Variants in DAB2IP observed in about 807,000 individuals in gnomAD.
DAB2IP encodes the protein disabled homolog 2-interacting protein.
DAB2IP carries 28 observed loss-of-function variants against 107.2 expected under a neutral mutation model. The ratio of observed to expected loss-of-function variants is 0.26; its 90% confidence interval spans 0.19 to 0.36. The LOEUF is 0.36. Ranked by LOEUF, DAB2IP falls within the 10% of genes least tolerant of loss-of-function variation. DAB2IP has a pLI of 1.00. For synonymous variants in DAB2IP, 755 were observed against 706.4 expected, an observed-to-expected ratio of 1.07 and a Z score of -1.09; for missense variants, 1,400 against 1,644.7, an observed-to-expected ratio of 0.85 and a Z score of 2.57.
chr9:121,614,614 C>T (rs1404724289), intron 1 of DAB2IP, among the ~76,000 whole-genome samples: 1 of 152,050 alleles, frequency 6.6e-6, no homozygotes, highest in Non-Finnish European at 1.5e-5. Context: ...GCTGGGATTA[C>T]AGGCGTGAGC....
intron 1 of DAB2IP, among the ~76,000 whole-genome samples, chr9:121,617,385 C>G (rs1365203428): frequency 6.6e-6 from 1 of 152,186 alleles, no homozygotes; most frequent in African/African-American, 2.4e-5. Context: ...TAGAAATGCT[C>G]CCCTAGCTAA....
At chr9:121,655,209 C>T (rs557522798) in intron 1 of DAB2IP, among the ~76,000 whole-genome samples, 12 of 152,222 alleles carry the variant, frequency 7.9e-5, no homozygotes, top group African/African-American at 2.9e-4. Flanking sequence ...CCACTGTGTC[C>T]CTAACTCCAC....
At chr9:121,719,406 A>G (rs1159227713) in intron 3 of DAB2IP, among the ~76,000 whole-genome samples, 1 of 152,196 alleles carries the variant, frequency 6.6e-6, no homozygotes, top group Non-Finnish European at 1.5e-5. Context: ...CACATAACCA[A>G]GGCAGGGAAG....
chr9:121,636,665 G>A (rs985049111), intron 1 of DAB2IP, among the ~76,000 whole-genome samples: 3 of 152,248 alleles, frequency 2.0e-5, no homozygotes, highest in Admixed American at 6.5e-5. Flanking sequence ...GGTGCATGGG[G>A]CTGAGGAGGA....
chr9:121,619,570 T>C (rs1201183881), intron 1 of DAB2IP, among the ~76,000 whole-genome samples: 1 of 152,228 alleles, frequency 6.6e-6, no homozygotes, highest in Non-Finnish European at 1.5e-5. Context: ...TTGAGATAAA[T>C]TTATCCCGGA....
chr9:121,739,994 C>G (rs1016112026), intron 3 of DAB2IP, among the ~76,000 whole-genome samples: 2 of 152,166 alleles, frequency 1.3e-5, no homozygotes, highest in African/African-American at 4.8e-5. Context: ...AACTGGTTGA[C>G]TTTGGCAACA....
At chr9:121,768,408 C>G in intron 9 of DAB2IP, 24 bp from the exon 10 acceptor site, 2 of 1,613,200 alleles carry the variant, frequency 1.2e-6, no homozygotes, top group Non-Finnish European at 1.7e-6. Context: ...CCCAGTAGTG[C>G]TCACCCAACT....
At chr9:121,595,140 G>A (rs1830501701) in intron 1 of DAB2IP, among the ~76,000 whole-genome samples, 1 of 151,994 alleles carries the variant, frequency 6.6e-6, no homozygotes, top group South Asian at 2.1e-4. Flanking sequence ...TTTGTGCTAG[G>A]TATTTCCCAG....
rs887941668 is a variant in DAB2IP at position 121,766,395 on chromosome 9, G to A, written c.1461-99G>A. On this transcript the variant is annotated intron_variant, in intron 8 of 15. Transcript: ENST00000408936. ...GCGGGGCTGACCTCACGCAGCTGGCGGGGTAGAGCCAAGGTTGGAATGCAG... is the reference window on the plus strand; with the variant it reads ...GCGGGGCTGACCTCACGCAGCTGGCAGGGTAGAGCCAAGGTTGGAATGCAG... The A allele has an allele frequency of 1.4e-5, 16 of 1,115,230 alleles. No homozygotes were observed. The East Asian group carries it at 1.7e-4, about 12-fold the overall frequency. 69.1% of individuals were successfully genotyped at this position (1,115,230 alleles called of 1,614,324 possible).
chr9:121,642,122 C>T (rs533680595), intron 1 of DAB2IP, among the ~76,000 whole-genome samples: 1 of 145,862 alleles, frequency 6.9e-6, no homozygotes, highest in East Asian at 2.0e-4. Context: ...CCTCTGTTGC[C>T]CAGGCTGGAG....
rs1352278424 is a variant in DAB2IP at position 121,702,171 on chromosome 9, C to T, written c.362+2713C>T. ...AAGAGGCTTTGTTGAATGCTGTCTG[C>T]GTGCTCCGCAAGCTGCTGTGTTGGG... On this transcript the variant is annotated intron_variant, in intron 3 of 15. Coordinates refer to ENST00000408936, the Ensembl canonical transcript of DAB2IP. The surrounding 1 kb of genome is among the most constrained non-coding windows in gnomAD (Gnocchi z 4.5). Among the ~76,000 whole-genome samples, 4 of 152,174 alleles carry T rather than the reference C, an allele frequency of 2.6e-5. No homozygotes were observed. The highest frequency in any genetic ancestry group is 7.2e-5 in the African/African-American group (3 of 41,438).
chr9:121,643,025 C>A (rs780787119), intron 1 of DAB2IP, among the ~76,000 whole-genome samples: 5 of 151,592 alleles, frequency 3.3e-5, no homozygotes, highest in Non-Finnish European at 7.4e-5. Context: ...TGAGGTGGGA[C>A]CACGTTTGGC....
intron 2 of DAB2IP, among the ~76,000 whole-genome samples, chr9:121,681,443 C>T (rs1828599082): frequency 6.6e-6 from 1 of 152,180 alleles, no homozygotes; most frequent in Non-Finnish European, 1.5e-5. Context: ...CACCTTCAGT[C>T]AGAGCCAGCC....
intron 15 of DAB2IP, among the ~76,000 whole-genome samples, chr9:121,781,921 C>T (rs1381433560): frequency 2.6e-5 from 4 of 152,114 alleles, no homozygotes; most frequent in African/African-American, 9.7e-5. Flanking sequence ...TGAGGGGAGA[C>T]GTGAAAGGCT....
chr9:121,589,617 T>C (rs921905371), intron 1 of DAB2IP, among the ~76,000 whole-genome samples: 4 of 152,076 alleles, frequency 2.6e-5, no homozygotes, highest in African/African-American at 9.7e-5. Flanking sequence ...CCTGATGACA[T>C]TGTTACCTGT....
intron 2 of DAB2IP, among the ~76,000 whole-genome samples, chr9:121,697,028 A>G (rs560850448): frequency 1.4e-4 from 21 of 152,156 alleles, no homozygotes; most frequent in Non-Finnish European, 2.6e-4. Context: ...ATGACAGGGT[A>G]TTAGGAGTCC....
intron 10 of DAB2IP, among the ~76,000 whole-genome samples, chr9:121,769,359 GCA>G (rs981820152): frequency 2.2e-4 from 33 of 152,014 alleles, no homozygotes; most frequent in African/African-American, 7.3e-4. Flanking sequence ...ATGTGTAAGC[GCA>G]CACACACATG....
chr9:121,571,521 C>T (rs1419328884), intron 1 of DAB2IP, among the ~76,000 whole-genome samples: 4 of 150,964 alleles, frequency 2.6e-5, no homozygotes, highest in African/African-American at 9.9e-5. Context: ...CTTTAGGGGG[C>T]TCAGGAACAT....
At chr9:121,636,685 T>G (rs1448736661) in intron 1 of DAB2IP, among the ~76,000 whole-genome samples, 1 of 152,210 alleles carries the variant, frequency 6.6e-6, no homozygotes, top group Non-Finnish European at 1.5e-5. Context: ...AGCCCTGTCT[T>G]CTGCCCAGAT....
Sources: gnomAD v4.1 joint callset for allele counts (sites outside exome capture counted in the v4.1 genomes callset) on GRCh38, gnomAD v4.1.1 for gene constraint, Gnocchi (gnomAD v3.1) non-coding constraint, MANE v1.5 for transcripts, NCBI Gene and HGNC (gene_info 2026-07-23, HGNC 2026-07-21) for gene names.